SORCS2: variants seen among roughly 807,000 people sequenced by gnomAD.
The protein encoded by SORCS2 is sortilin related VPS10 domain containing receptor 2.
A neutral mutation model predicts 141.6 loss-of-function variants in SORCS2; 100 were observed. That is an observed-to-expected ratio of 0.71 (90% CI 0.60 to 0.83). The LOEUF (loss-of-function observed/expected upper bound fraction) is 0.83. Ranked by LOEUF, SORCS2 falls within the 40% of genes least tolerant of loss-of-function variation. The pLI is 0.00. For synonymous variants in SORCS2, 789 were observed against 676.9 expected (o/e 1.17, Z -2.57); for missense variants, 1,646 against 1,560.2 (o/e 1.05, Z -0.93).
intron 2 of SORCS2, among the ~76,000 whole-genome samples, chr4:7,515,822 C>CCT (rs1216126579): frequency 1.3e-5 from 2 of 152,314 alleles, no homozygotes; most frequent in African/African-American, 4.8e-5. Flanking sequence ...GTAGCCCTGG[C>CCT]AAAGAAACAC....
At chr4:7,371,794 T>C (rs1722266206) in intron 1 of SORCS2, among the ~76,000 whole-genome samples, 1 of 152,232 alleles carries the variant, frequency 6.6e-6, no homozygotes, top group Admixed American at 6.5e-5. Context: ...GGTCCCTCAG[T>C]AGCTGCACGC....
intron 24 of SORCS2, among the ~76,000 whole-genome samples, chr4:7,733,857 G>A (rs1479332371): frequency 6.6e-6 from 1 of 152,214 alleles, no homozygotes; most frequent in East Asian, 1.9e-4. Flanking sequence ...CCCAGTGGGA[G>A]CCAGGTCAAG....
At chr4:7,501,846 A>C (rs1366475663) in intron 2 of SORCS2, among the ~76,000 whole-genome samples, 1 of 152,178 alleles carries the variant, frequency 6.6e-6, no homozygotes, top group Non-Finnish European at 1.5e-5. Context: ...GATTTTCTTA[A>C]TTTCTACTGT....
chr4:7,629,366 G>C (rs1719729555), intron 3 of SORCS2, among the ~76,000 whole-genome samples: 1 of 152,182 alleles, frequency 6.6e-6, no homozygotes, highest in South Asian at 2.1e-4. Flanking sequence ...GGGGTGGCCA[G>C]AGCCAGGTGA....
chr4:7,523,457 C>G lies in SORCS2; in HGVS notation c.549-8073C>G, dbSNP rs1009063023. On this transcript the variant is annotated intron_variant, in intron 2 of 26. Coordinates refer to ENST00000507866, the MANE Select transcript of SORCS2 (RefSeq NM_020777.3). ...TGTGTGCCTGGCCAGTAGAGGCTTGCGTCCCCACTCTGGCCGGGAGATCTG... is the reference window on the plus strand; with the variant it reads ...TGTGTGCCTGGCCAGTAGAGGCTTGGGTCCCCACTCTGGCCGGGAGATCTG... Among the ~76,000 whole-genome samples the G allele has an allele frequency of 3.3e-5, 5 of 152,254 alleles. No individual in the cohort carries two copies. The East Asian group carries it at 5.8e-4, about 18-fold the overall frequency.
intron 2 of SORCS2, among the ~76,000 whole-genome samples, chr4:7,456,958 G>C (rs1439191969): frequency 3.3e-5 from 5 of 151,918 alleles, no homozygotes; most frequent in Admixed American, 6.6e-5. Context: ...GCCACCTCCA[G>C]GGTTGTGGTG....
At chr4:7,640,454 GTGTA>G in intron 4 of SORCS2, among the ~76,000 whole-genome samples, 1 of 106,234 alleles carries the variant, frequency 9.4e-6, no homozygotes. Flanking sequence ...GTGTGTGGGT[GTGTA>G]TGAGCGTGTG....
At chr4:7,503,156 T>A (rs924703652) in intron 2 of SORCS2, among the ~76,000 whole-genome samples, 13 of 152,184 alleles carry the variant, frequency 8.5e-5, no homozygotes, top group African/African-American at 3.1e-4. Context: ...TATATATGTG[T>A]CATCTTTCCA....
intron 3 of SORCS2, among the ~76,000 whole-genome samples, chr4:7,609,308 T>C (rs1718256661): frequency 6.6e-6 from 1 of 152,184 alleles, no homozygotes; most frequent in Admixed American, 6.5e-5. Flanking sequence ...ATACAGTAAA[T>C]TCTAAACCAG....
chr4:7,659,826 C>A (rs759311421), intron 5 of SORCS2, among the ~76,000 whole-genome samples: 1 of 152,166 alleles, frequency 6.6e-6, no homozygotes, highest in Non-Finnish European at 1.5e-5. Flanking sequence ...GTACTTCTCC[C>A]CCCCACCACT....
intron 3 of SORCS2, among the ~76,000 whole-genome samples, chr4:7,617,063 C>T (rs1244487025): frequency 6.6e-6 from 1 of 152,224 alleles, no homozygotes; most frequent in Non-Finnish European, 1.5e-5. Flanking sequence ...CTCGTGGTGC[C>T]TGGTCCAGCA....
chr4:7,346,857 A>G (rs939686049), intron 1 of SORCS2, among the ~76,000 whole-genome samples: 3 of 152,168 alleles, frequency 2.0e-5, no homozygotes, highest in Non-Finnish European at 4.4e-5. Flanking sequence ...AGGGTGTCTT[A>G]ATGTCCATCA....
intron 1 of SORCS2, among the ~76,000 whole-genome samples, chr4:7,387,538 C>CACACAT (rs2109087091): frequency 1.3e-5 from 2 of 150,108 alleles, no homozygotes; most frequent in African/African-American, 4.9e-5. Flanking sequence ...CACACATGCA[C>CACACAT]ACACATGCAC....
chr4:7,726,663 T>A (rs965644797), intron 20 of SORCS2, 117 bp from the exon 21 acceptor site: 2 of 1,372,920 alleles, frequency 1.5e-6, no homozygotes, highest in African/African-American at 2.9e-5. Flanking sequence ...TGGGCCCATT[T>A]GCTGATGGGA....
intron 3 of SORCS2, among the ~76,000 whole-genome samples, chr4:7,606,937 T>C: frequency 6.6e-6 from 1 of 152,154 alleles, no homozygotes; most frequent in East Asian, 1.9e-4. Context: ...CATTCCTAGA[T>C]AAACAGAGTG....
At chr4:7,202,931 C>T (rs552357402) in intron 1 of SORCS2, among the ~76,000 whole-genome samples, 8 of 151,884 alleles carry the variant, frequency 5.3e-5, no homozygotes, top group Admixed American at 2.0e-4. Flanking sequence ...ATCTACGTGC[C>T]GGATGCTGCG....
intron 2 of SORCS2, chr4:7,434,224 C>T (rs1298954165): frequency 6.2e-7 from 1 of 1,613,648 alleles, no homozygotes; most frequent in Middle Eastern, 1.6e-4. Context: ...GACGGCCAGG[C>T]CAGGCCCCAA....
At chr4:7,612,803 T>A (rs1718500611) in intron 3 of SORCS2, among the ~76,000 whole-genome samples, 1 of 150,392 alleles carries the variant, frequency 6.6e-6, no homozygotes, top group African/African-American at 2.4e-5. Context: ...TGGGAGAGAA[T>A]GAACGTTAGG....
chr4:7,434,255 T>G, intron 2 of SORCS2: 1 of 1,613,458 alleles, frequency 6.2e-7, no homozygotes, highest in East Asian at 2.2e-5. Flanking sequence ...TGCTCCTGGA[T>G]GTTCAAGTCG....
Sources: gnomAD v4.1 joint callset for allele counts (sites outside exome capture counted in the v4.1 genomes callset) on GRCh38, gnomAD v4.1.1 for gene constraint, MANE v1.5 for transcripts, NCBI Gene and HGNC (gene_info 2026-07-23, HGNC 2026-07-21) for gene names.